MMP20: variants seen among roughly 807,000 people sequenced by gnomAD.
MMP20 encodes matrix metallopeptidase 20, also known as matrix metalloproteinase-20.
In MMP20, 50 loss-of-function variants were observed where a neutral mutation model predicts 51.8. That is an observed-to-expected ratio of 0.97 (90% confidence interval 0.77 to 1.22). MMP20 has a LOEUF of 1.22. Among genes scored for constraint, MMP20 ranks in the 50% most tolerant of loss-of-function variants. The probability of loss-of-function intolerance (pLI) is 0.00; values close to 1 mark genes in which losing one functional copy is unlikely to be tolerated. For missense variants in MMP20, 663 were observed against 601.4 expected (o/e 1.10, Z -1.07); for synonymous variants, 244 against 216.2 (o/e 1.13, Z -1.13).
intron 6 of MMP20, among the ~76,000 whole-genome samples, chr11:102,602,521 T>G (rs1859461473): frequency 6.6e-6 from 1 of 152,182 alleles, no homozygotes; most frequent in Admixed American, 6.5e-5. Flanking sequence ...CTCAAATGCA[T>G]AACAGTCAAT....
In MMP20 at chr11:102,594,472, T is replaced by C. The variant is rs1036526307; in HGVS notation, c.1090+149A>G. 18 of 958,852 alleles carry C rather than the reference T, an allele frequency of 1.9e-5. No homozygotes were observed. The Admixed American group carries it at 3.7e-4, about 20-fold the overall frequency. The allele number at this position is 958,852 out of a possible 1,614,324, so 59.4% of individuals were successfully genotyped here. On this transcript the variant is annotated intron_variant, in intron 7 of 9. Coordinates refer to ENST00000260228, the MANE Select transcript of MMP20 (RefSeq NM_004771.4). ...TACACAATGTCGGGTATAACAAATG[T>C]AGGGTGGCATTTCATACCCAACCTG...
In MMP20 at chr11:102,606,534, C is replaced by T. The variant is rs756590286; in HGVS notation, c.953+1G>A. The T allele has an allele frequency of 6.2e-7, 1 of 1,613,838 alleles. No individual in the cohort carries two copies. Among genetic ancestry groups the T allele is most frequent in the Non-Finnish European group, 8.5e-7 (1 of 1,179,824 alleles). On this transcript the variant is annotated splice_donor_variant, in intron 6 of 9. Transcript: ENST00000260228. LOFTEE classifies it high-confidence loss of function. ...GAGTCGGTGGCGTGTCTGAGGCTTA[C>T]CGGTCCTTGAAGAGCAGGAGCTCCT...
chr11:102,616,955 C>G lies in MMP20; in HGVS notation c.231G>C (p.Ala77=), dbSNP rs185057360. ...SMIRKIKELQ[A]FFGLQVTGKL... ...TCCCGGTGACTTGGAGGCCAAAGAA[C>G]GCTTGTAGCTCCTTAATCTTCCTTA... Residue 77 remains alanine (A), a synonymous_variant, in exon 2 of 10, where the codon GCG becomes GCC. Coordinates refer to ENST00000260228, the MANE Select transcript of MMP20 (RefSeq NM_004771.4). 6.2e-7 allele frequency: 1 copy of G among 1,614,164 alleles called. No individual in the cohort carries two copies.
At chr11:102,598,293 A>G (rs1193585738) in intron 6 of MMP20, among the ~76,000 whole-genome samples, 1 of 152,224 alleles carries the variant, frequency 6.6e-6, no homozygotes, top group Admixed American at 6.5e-5. Context: ...AAAATCTATA[A>G]GCCTCTTGGA....
At chr11:102,609,192 G>A in intron 4 of MMP20, 94 bp from the exon 5 acceptor site, 6 of 1,121,572 alleles carry the variant, frequency 5.3e-6, no homozygotes, top group Non-Finnish European at 7.9e-6. Context: ...CCACATTACA[G>A]TTAACCCATC....
intron 8 of MMP20, among the ~76,000 whole-genome samples, chr11:102,588,282 T>C (rs140118631): frequency 3.9e-5 from 6 of 152,064 alleles, no homozygotes; most frequent in Non-Finnish European, 7.4e-5. Flanking sequence ...ACCTATTGTA[T>C]CTATCTACAT....
intron 4 of MMP20, 74 bp downstream of exon 4, chr11:102,609,831 A>G (rs956617356): frequency 6.2e-7 from 1 of 1,605,936 alleles, no homozygotes; most frequent in African/African-American, 1.3e-5. Flanking sequence ...GGGACGTTGA[A>G]CCTCAAGGTT....
In MMP20 at chr11:102,602,520, A is replaced by G. The variant is rs139128344; in HGVS notation, c.953+4015T>C. Among the ~76,000 whole-genome samples, 6 of 152,312 alleles carry G rather than the reference A, an allele frequency of 3.9e-5. No individual in the cohort carries two copies. The East Asian group carries it at 7.7e-4, about 20-fold the overall frequency. The stretch of plus-strand genomic sequence containing the variant: ...GTGCTCTTCCTACTAACTCAAATGC[A>G]TAACAGTCAATGGGCATATGTTCAT... On this transcript the variant is annotated intron_variant, in intron 6 of 9. Coordinates refer to ENST00000260228, the MANE Select transcript of MMP20 (RefSeq NM_004771.4).
chr11:102,597,711 G>A (rs1470182120), intron 6 of MMP20, among the ~76,000 whole-genome samples: 1 of 152,118 alleles, frequency 6.6e-6, no homozygotes, highest in Non-Finnish European at 1.5e-5. Flanking sequence ...TATATAATGT[G>A]CACATAGGAT....
At chr11:102,613,080 G>A (rs1249212048) in intron 2 of MMP20, among the ~76,000 whole-genome samples, 6 of 152,288 alleles carry the variant, frequency 3.9e-5, no homozygotes, top group South Asian at 4.1e-4. Context: ...CTTTAAAAAC[G>A]GAGGCTCACT....
intron 2 of MMP20, among the ~76,000 whole-genome samples, chr11:102,613,830 A>G (rs1195669388): frequency 6.6e-6 from 1 of 152,216 alleles, no homozygotes; most frequent in Non-Finnish European, 1.5e-5. Flanking sequence ...TGCCAAGCCC[A>G]CTGCATAATA....
At chr11:102,608,130 G>A (rs1859543107) in intron 5 of MMP20, 1 of 152,192 alleles carries the variant, frequency 6.6e-6, no homozygotes, top group Non-Finnish European at 1.5e-5. Context: ...TGGGTCTCTA[G>A]GCACTGAGAA....
At chr11:102,616,062 G>T (rs17099046) in intron 2 of MMP20, among the ~76,000 whole-genome samples, 9,394 of 152,186 alleles carry the variant, frequency 0.062, 354 homozygotes, top group Non-Finnish European at 0.072. Context: ...AGGGACAGAG[G>T]TTCTGGTTGG....
At chr11:102,617,126 C>A in intron 1 of MMP20, 67 bp from the exon 2 acceptor site, 1 of 1,572,176 alleles carries the variant, frequency 6.4e-7, no homozygotes, top group Non-Finnish European at 8.7e-7. Flanking sequence ...TCAGGTAAGG[C>A]AGGGGACAGC....
chr11:102,616,877 AG>A lies in MMP20; in HGVS notation c.308del (p.Pro103LeufsTer20), dbSNP rs767512115. Reference protein sequence around the residue: ...NVIKKPRCGVPDVANYRLFPG... With the variant: ...NVIKKPRCGVXDVANYRLFPG... Reference sequence around the variant, plus strand: ...GGAAGAGGCGATAATTGGCCACATCAGGAACTCCACAGCGAGGCTTCTTGAT... The same window carrying A: ...GGAAGAGGCGATAATTGGCCACATCAGAACTCCACAGCGAGGCTTCTTGAT... On this transcript the variant is annotated frameshift_variant, in exon 2 of 10. Coordinates refer to ENST00000260228, the MANE Select transcript of MMP20 (RefSeq NM_004771.4). LOFTEE classifies it high-confidence loss of function. The A allele has an allele frequency of 2.5e-6, 4 of 1,614,108 alleles. No homozygotes were observed. Among genetic ancestry groups the A allele is most frequent in the Non-Finnish European group, 3.4e-6 (4 of 1,180,046 alleles).
At chr11:102,605,500 C>A (rs1397388353) in intron 6 of MMP20, 1 of 151,762 alleles carries the variant, frequency 6.6e-6, no homozygotes, top group Non-Finnish European at 1.5e-5. Context: ...AGATAAGGAA[C>A]ATCACATTTC....
chr11:102,601,986 G>T (rs1591615876), intron 6 of MMP20, among the ~76,000 whole-genome samples: 1 of 126,824 alleles, frequency 7.9e-6, no homozygotes. Flanking sequence ...GTCTTGCTCT[G>T]TCGCCCAGGC....
At chr11:102,580,302 T>C (rs1859177892) in intron 8 of MMP20, among the ~76,000 whole-genome samples, 1 of 152,228 alleles carries the variant, frequency 6.6e-6, no homozygotes. Context: ...AAGTCCCTTC[T>C]TCATTAGCAC....
intron 1 of MMP20, among the ~76,000 whole-genome samples, chr11:102,620,745 C>T (rs1437470731): frequency 6.6e-6 from 1 of 152,174 alleles, no homozygotes; most frequent in Non-Finnish European, 1.5e-5. Flanking sequence ...ATTTCCTCAA[C>T]ATTTTTCTTT....
Sources: gnomAD v4.1 joint callset for allele counts (sites outside exome capture counted in the v4.1 genomes callset) on GRCh38, gnomAD v4.1.1 for gene constraint, MANE v1.5 for transcripts, NCBI Gene and HGNC (gene_info 2026-07-23, HGNC 2026-07-21) for gene names.